Variants in CTNNA2 observed in about 807,000 individuals in gnomAD.
The protein encoded by CTNNA2 is catenin alpha-2.
In CTNNA2, 42 loss-of-function variants were observed where a neutral mutation model predicts 101.0. That is an observed-to-expected ratio of 0.42 (90% CI 0.32 to 0.54). The LOEUF (loss-of-function observed/expected upper bound fraction) is 0.54. Ranked by LOEUF, CTNNA2 falls within the 20% of genes least tolerant of loss-of-function variation. The pLI is 0.14. For missense variants in CTNNA2, 871 were observed against 1,223.1 expected, an observed-to-expected ratio of 0.71 and a Z score of 4.29; for synonymous variants, 450 against 456.4, an observed-to-expected ratio of 0.99 and a Z score of 0.18.
intron 3 of CTNNA2, among the ~76,000 whole-genome samples, chr2:79,837,697 C>T (rs1304584392): frequency 6.6e-6 from 1 of 151,684 alleles, no homozygotes; most frequent in Non-Finnish European, 1.5e-5. Flanking sequence ...CTCCCTAGCT[C>T]CTCAAAACAT....
rs550422225 is a variant in CTNNA2 at position 79,817,316 on chromosome 2, CTTTTTTTTTT to C, written c.299-40680_299-40671del. Reference sequence around the variant, plus strand: ...TGCAGAATAATGTATTTCTCTCTCACTTTTTTTTTTTTTTTTTTTTTTTTTTGCCATTTTC... The same window carrying C: ...TGCAGAATAATGTATTTCTCTCTCACTTTTTTTTTTTTTTTTGCCATTTTC... On this transcript the variant is annotated intron_variant, in intron 3 of 18. Coordinates refer to ENST00000402739, the MANE Select transcript of CTNNA2 (RefSeq NM_001282597.3). 2.7e-4 allele frequency among the ~76,000 whole-genome samples: 20 copies of C among 73,894 alleles called. 1 individual carries two copies. The South Asian group carries it at 5.4e-3, about 20-fold the overall frequency. The allele number at this position is 73,894 out of a possible 152,430, so 48.5% of individuals were successfully genotyped here. A position where few individuals can be genotyped will look rare whatever the true frequency, so the allele number is the denominator to read the frequency against.
intron 9 of CTNNA2, among the ~76,000 whole-genome samples, chr2:80,443,966 T>C (rs1682841410): frequency 6.6e-6 from 1 of 152,084 alleles, no homozygotes; most frequent in South Asian, 2.1e-4. Flanking sequence ...TAGGGAGACA[T>C]GAATAGGTTA....
intron 9 of CTNNA2, among the ~76,000 whole-genome samples, chr2:80,523,005 C>T (rs1392577147): frequency 6.6e-6 from 1 of 152,062 alleles, no homozygotes; most frequent in Non-Finnish European, 1.5e-5. Context: ...TTGGAGCTAT[C>T]AACCAACTCA....
At chr2:79,672,176 A>C (rs1160633651) in intron 2 of CTNNA2, among the ~76,000 whole-genome samples, 1 of 152,210 alleles carries the variant, frequency 6.6e-6, no homozygotes, top group Non-Finnish European at 1.5e-5. Flanking sequence ...ACATTACTTG[A>C]TGGTTAACAA....
At chr2:80,505,655 A>G (rs749913064) in intron 9 of CTNNA2, among the ~76,000 whole-genome samples, 4 of 152,208 alleles carry the variant, frequency 2.6e-5, no homozygotes, top group Non-Finnish European at 4.4e-5. Flanking sequence ...TATACTTCCA[A>G]TATGGAGAAA....
rs199799030 is a variant in CTNNA2, at chr2:79,917,076, T to TTTA, written c.1056+7282_1056+7284dup. 1.4e-4 allele frequency among the ~76,000 whole-genome samples: 12 copies of TTTA among 87,948 alleles called. 1 individual carries two copies. In the East Asian group the frequency reaches 3.3e-3, roughly 24 times the overall value. The allele number at this position is 87,948 out of a possible 152,430, so 57.7% of individuals were successfully genotyped here. On this transcript the variant is annotated intron_variant, in intron 7 of 18. Transcript: ENST00000402739. ...ATTCTCAGCCTTATTTATTTATTTA[T>TTTA]TTATTTATTTTTTTGAGACGGAGTC...
intron 2 of CTNNA2, among the ~76,000 whole-genome samples, chr2:79,243,646 A>G (rs776725113): frequency 3.3e-5 from 5 of 152,148 alleles, no homozygotes; most frequent in African/African-American, 7.2e-5. Context: ...TTCTAACCAT[A>G]ATGCATTGTT....
At chr2:80,319,681 C>T (rs1430881523) in intron 7 of CTNNA2, among the ~76,000 whole-genome samples, 2 of 152,146 alleles carry the variant, frequency 1.3e-5, no homozygotes, top group African/African-American at 4.8e-5. Flanking sequence ...CTGCTTTTCA[C>T]TCTGATTCTG....
At chr2:79,524,861 C>T (rs1298096647) in intron 1 of CTNNA2, 1 of 150,340 alleles carries the variant, frequency 6.7e-6, no homozygotes, top group Admixed American at 6.7e-5. Context: ...TGTTCACTTC[C>T]AGAAATTTAC....
intron 7 of CTNNA2, among the ~76,000 whole-genome samples, chr2:80,063,175 C>G (rs2148761210): frequency 6.6e-6 from 1 of 152,246 alleles, no homozygotes; most frequent in South Asian, 2.1e-4. Context: ...CCTGTGAAAT[C>G]TTCTCCTCTT....
At chr2:80,013,237 A>C (rs1558728109) in intron 7 of CTNNA2, among the ~76,000 whole-genome samples, 1 of 152,184 alleles carries the variant, frequency 6.6e-6, no homozygotes, top group Non-Finnish European at 1.5e-5. Context: ...TCTCAAGGTT[A>C]TCTCTGTCCT....
At chr2:79,744,262 G>T (rs988862643) in intron 2 of CTNNA2, 125 bp from the exon 3 acceptor site, 2 of 856,242 alleles carry the variant, frequency 2.3e-6, no homozygotes, top group Non-Finnish European at 3.5e-6. Context: ...TAAGTGATGT[G>T]CATTCATGAT....
At chr2:80,406,936 T>G (rs532251614) in intron 8 of CTNNA2, among the ~76,000 whole-genome samples, 1 of 152,038 alleles carries the variant, frequency 6.6e-6, no homozygotes, top group Non-Finnish European at 1.5e-5. Flanking sequence ...GGGTGCATTC[T>G]CTATGTGTTT....
At chr2:80,619,851 C>A (rs574877407) in intron 18 of CTNNA2, among the ~76,000 whole-genome samples, 1 of 151,880 alleles carries the variant, frequency 6.6e-6, no homozygotes, top group African/African-American at 2.4e-5. Flanking sequence ...TGTTGTTGCA[C>A]GTCCTAACCC....
Position 80,302,815 on chromosome 2 carries a change from G to T in CTNNA2, c.1057-90396G>T, listed in dbSNP as rs755909449. 3 of 1,613,842 alleles carry T rather than the reference G, an allele frequency of 1.9e-6. No homozygotes were observed. The African/African-American group carries it at 4.0e-5, about 22-fold the overall frequency. On this transcript the variant is annotated intron_variant, in intron 7 of 18. Coordinates refer to ENST00000402739, the MANE Select transcript of CTNNA2 (RefSeq NM_001282597.3). The surrounding 1 kb of genome is among the most constrained non-coding windows in gnomAD (Gnocchi z 6.4). ...TGGCGCACTGCAAGTTGCCATCGTA[G>T]CGCCCCTGGAAGTTGTTGAGCCACG...
chr2:80,248,012 T>C (rs1671460730), intron 7 of CTNNA2, among the ~76,000 whole-genome samples: 1 of 151,834 alleles, frequency 6.6e-6, no homozygotes, highest in South Asian at 2.1e-4. Context: ...ATTTGTCTTT[T>C]CTTTATTTTT....
At chr2:80,105,453 G>A (rs1212075587) in intron 7 of CTNNA2, among the ~76,000 whole-genome samples, 2 of 152,194 alleles carry the variant, frequency 1.3e-5, no homozygotes, top group Non-Finnish European at 1.5e-5. Context: ...GCTGAGTGCA[G>A]TAGCTCACAC....
chr2:80,039,973 G>A (rs917244652), intron 7 of CTNNA2, among the ~76,000 whole-genome samples: 1 of 152,108 alleles, frequency 6.6e-6, no homozygotes, highest in African/African-American at 2.4e-5. Flanking sequence ...AGTACTATAT[G>A]TTGAAAACTA....
chr2:79,838,827 A>G (rs1435760135), intron 3 of CTNNA2, among the ~76,000 whole-genome samples: 1 of 151,786 alleles, frequency 6.6e-6, no homozygotes, highest in African/African-American at 2.4e-5. Flanking sequence ...AAACAGTGCC[A>G]CATGATATTA....
Sources: gnomAD v4.1 joint callset for allele counts (sites outside exome capture counted in the v4.1 genomes callset) on GRCh38, gnomAD v4.1.1 for gene constraint, Gnocchi (gnomAD v3.1) non-coding constraint, MANE v1.5 for transcripts, NCBI Gene and HGNC (gene_info 2026-07-23, HGNC 2026-07-21) for gene names.